NRN1L: variants seen among roughly 807,000 people sequenced by gnomAD.
NRN1L encodes neuritin-like protein.
Under a neutral mutation model 8.8 loss-of-function variants are expected in NRN1L, and 12 were observed. The ratio of observed to expected loss-of-function variants is 1.36; its 90% CI spans 0.87 to 2.20. The LOEUF (loss-of-function observed/expected upper bound fraction) is 2.20. NRN1L is among the 30% of genes most tolerant of loss of function. NRN1L has a pLI of 0.00. For missense variants in NRN1L, 266 were observed against 232.4 expected (o/e 1.14, Z -0.94); for synonymous variants, 114 against 99.2 (o/e 1.15, Z -0.88).
chr16:67,885,712 C>A lies in NRN1L; in HGVS notation c.80-10C>A. The A allele has an allele frequency of 6.6e-7, 1 of 1,510,464 alleles. No homozygotes were observed. The highest frequency in any genetic ancestry group is 9.0e-7 in the Non-Finnish European group (1 of 1,105,312). 93.6% of individuals were successfully genotyped at this position (1,510,464 alleles called of 1,614,324 possible). A position where few individuals can be genotyped will look rare whatever the true frequency, so the allele number is the denominator to read the frequency against. ...ATTCCTTCCCCACCCCACCCCCGCC[C>A]CACTTCTAGTCCTTTTACCTCCCCT... is the stretch of plus-strand genomic sequence containing the variant. On this transcript the variant is annotated splice_polypyrimidine_tract_variant and intron_variant, in intron 1 of 2. Transcript: ENST00000339176.
chr16:67,886,131 C>G lies in NRN1L; in HGVS notation c.370C>G (p.Arg124Gly). 2 of 1,612,194 alleles carry G rather than the reference C, an allele frequency of 1.2e-6. No homozygotes were observed. The highest frequency in any genetic ancestry group is 1.7e-6 in the Non-Finnish European group (2 of 1,179,668). ...CGGTGCCCCGGTGCATGTTCGGGAG[C>G]GCGGCACAGGCTCCGAAACCAACCA... ...LCGAPVHVRE[R>G]GTGSETNQET... The change falls in exon 3 of 3, where the codon CGC becomes GGC. Residue 124 changes from arginine (R) to glycine (G), a missense_variant. Arg to Gly is a moderately radical substitution (Grantham distance 125). Transcript: ENST00000339176.
At chr16:67,885,063 G>C (rs1567393318) in intron 1 of NRN1L, 81 bp downstream of exon 1, 3 of 1,192,954 alleles carry the variant, frequency 2.5e-6, no homozygotes, top group Non-Finnish European at 1.2e-6. Flanking sequence ...GTGTGGGAAC[G>C]CTGGGTGCCA....
In NRN1L at chr16:67,884,998, CG is replaced by C; in HGVS notation, c.79+20del. On this transcript the variant is annotated intron_variant, in intron 1 of 2. Transcript: ENST00000339176. The surrounding 1 kb of genome is among the most constrained non-coding windows in gnomAD (Gnocchi z 4.1). ...CTGCCCCTCGGTGAGTGCGGGCATC[CG>C]GGGCCCGGGCCACACCCCCTTCTCG... is the stretch of plus-strand genomic sequence containing the variant. 1 of 1,599,900 alleles carries C rather than the reference CG, an allele frequency of 6.3e-7. No homozygotes were observed.
chr16:67,885,986 CT>C lies in NRN1L; in HGVS notation c.227del (p.Phe76SerfsTer86). Reference sequence around the variant, plus strand: ...ACTCCCTTAACAGGTCTTGGAATGACTTCCATGCCTGTGCCTCTCAGGTCCT... The same window carrying C: ...ACTCCCTTAACAGGTCTTGGAATGACTCCATGCCTGTGCCTCTCAGGTCCT... ...LETICRSWND[F>X]HACASQVLSG... On this transcript the variant is annotated frameshift_variant, in exon 3 of 3. Coordinates refer to ENST00000339176, the MANE Select transcript of NRN1L (RefSeq NM_198443.2). LOFTEE classifies it low-confidence loss of function (END_TRUNC). 1.2e-6 allele frequency: 2 copies of C among 1,614,184 alleles called. No individual in the cohort carries two copies. Among genetic ancestry groups the C allele is most frequent in the African/African-American group, 1.3e-5 (1 of 75,068 alleles).
chr16:67,885,654 G>A, intron 1 of NRN1L, 68 bp from the exon 2 acceptor site: 1 of 1,288,924 alleles, frequency 7.8e-7, no homozygotes, highest in Non-Finnish European at 1.1e-6. Flanking sequence ...GCCCCTGGGG[G>A]CTGGGGGATG....
intron 1 of NRN1L, 182 bp downstream of exon 1, chr16:67,885,164 A>G (rs1339404402): frequency 3.3e-6 from 2 of 607,366 alleles, no homozygotes; most frequent in African/African-American, 1.9e-5. Context: ...GTTATGGGAG[A>G]AGGACTCCAA....
downstream of NRN1L, among the ~76,000 whole-genome samples, chr16:67,887,846 T>A (rs1009947677): frequency 1.3e-5 from 2 of 152,132 alleles, no homozygotes; most frequent in African/African-American, 4.8e-5. Flanking sequence ...CCTCCCAGTG[T>A]TGGGATTACA....
At chr16:67,885,199 A>G in intron 1 of NRN1L, 1 of 600,384 alleles carries the variant, frequency 1.7e-6, no homozygotes, top group Non-Finnish European at 3.0e-6. Flanking sequence ...CTTATGATAA[A>G]GGGAGACATG....
chr16:67,885,389 G>A (rs2058091482), intron 1 of NRN1L: 1 of 461,714 alleles, frequency 2.2e-6, no homozygotes, highest in Non-Finnish European at 3.9e-6. Context: ...CTCCTGGTCC[G>A]GGGCCTCTGG....
At chr16:67,888,080 C>T (rs990114172), downstream of NRN1L, among the ~76,000 whole-genome samples, 4 of 152,316 alleles carry the variant, frequency 2.6e-5, no homozygotes, top group South Asian at 8.3e-4. Context: ...GGTCAGAATT[C>T]CCCACTGTGG....
chr16:67,886,132 G>C lies in NRN1L; in HGVS notation c.371G>C (p.Arg124Pro), dbSNP rs374951501. 4.5e-5 allele frequency: 72 copies of C among 1,612,082 alleles called. No homozygotes were observed. In the East Asian group the frequency reaches 7.6e-4, roughly 17 times the overall value. Residue 124 changes from arginine to proline, a missense_variant, in exon 3 of 3, where the codon CGC (arginine) becomes CCC (proline). Arg to Pro is a moderately radical substitution (Grantham distance 103, BLOSUM62 -2). Transcript: ENST00000339176. ...LCGAPVHVRE[R>P]GTGSETNQET... is the part of the protein sequence containing the mutation. Reference sequence around the variant, plus strand: ...GGTGCCCCGGTGCATGTTCGGGAGCGCGGCACAGGCTCCGAAACCAACCAG... The same window carrying C: ...GGTGCCCCGGTGCATGTTCGGGAGCCCGGCACAGGCTCCGAAACCAACCAG...
chr16:67,885,445 T>C (rs763325074), intron 1 of NRN1L: 4 of 489,844 alleles, frequency 8.2e-6, no homozygotes, highest in Non-Finnish European at 1.4e-5. Flanking sequence ...CATGGACCCT[T>C]GTCACCCCAC....
chr16:67,886,888 C>T (rs60427284), downstream of NRN1L, among the ~76,000 whole-genome samples: 637 of 152,294 alleles, frequency 4.2e-3, 6 homozygotes, highest in African/African-American at 0.015. Flanking sequence ...AGGTGGGGAG[C>T]CTTTGTTGAA....
Position 67,885,822 on chromosome 16 carries a change from G to T in NRN1L, c.180G>T (p.Met60Ile). ...GTCTCATCCGCTTGGGGGACAGCATGGGCCGCGGAGGCGAGCTGGAGACCA... is the reference window on the plus strand; with the variant it reads ...GTCTCATCCGCTTGGGGGACAGCATTGGCCGCGGAGGCGAGCTGGAGACCA... ...AECLIRLGDSMGRGGELETIC... is the reference protein window; with the variant it reads ...AECLIRLGDSIGRGGELETIC... Residue 60 changes from methionine to isoleucine, a missense_variant, in exon 2 of 3, where the codon ATG becomes ATT. Physicochemically the swap from Met to Ile is conservative, Grantham distance 10. Coordinates refer to ENST00000339176, the MANE Select transcript of NRN1L (RefSeq NM_198443.2). The T allele has an allele frequency of 6.3e-7, 1 of 1,578,868 alleles. No homozygotes were observed. Among genetic ancestry groups the T allele is most frequent in the South Asian group, 1.2e-5 (1 of 84,830 alleles).
downstream of NRN1L, chr16:67,888,645 A>G (rs2058103165): frequency 6.6e-6 from 1 of 152,038 alleles, no homozygotes; most frequent in Non-Finnish European, 1.5e-5. Context: ...CATCATGGTG[A>G]TGGTGTTTCT....
At position 67,885,002 on chromosome 16, in the gene NRN1L, G is replaced by T. The variant is rs1029198887; in HGVS notation, c.79+20G>T. The T allele has an allele frequency of 6.3e-7, 1 of 1,598,778 alleles. No individual in the cohort carries two copies. Among genetic ancestry groups the T allele is most frequent in the East Asian group, 2.2e-5 (1 of 44,800 alleles). On this transcript the variant is annotated intron_variant, in intron 1 of 2. Transcript: ENST00000339176. ...CCCTCGGTGAGTGCGGGCATCCGGG[G>T]CCCGGGCCACACCCCCTTCTCGCCC...
In NRN1L at chr16:67,886,036, C is replaced by A; in HGVS notation, c.275C>A (p.Ala92Asp). Reference sequence around the variant, plus strand: ...CTGTCAGGCTGTCCGGAGGAGGCAGCTGCAGTGTGGGAATCACTACAGCAA... The same window carrying A: ...CTGTCAGGCTGTCCGGAGGAGGCAGATGCAGTGTGGGAATCACTACAGCAA... ...QVLSGCPEEA[A>D]AVWESLQQEA... The change falls in exon 3 of 3, where the codon GCT becomes GAT. Residue 92 changes from alanine (A) to aspartate (D), a missense_variant. Transcript: ENST00000339176. The A allele has an allele frequency of 6.2e-7, 1 of 1,614,124 alleles. No individual in the cohort carries two copies. Among genetic ancestry groups the A allele is most frequent in the Non-Finnish European group, 8.5e-7 (1 of 1,180,000 alleles).
Position 67,885,819 on chromosome 16 carries a change from C to T in NRN1L, c.177C>T (p.Ser59=), listed in dbSNP as rs1320598981. The change falls in exon 2 of 3, where the codon AGC becomes AGT. Residue 59 remains serine (S), a synonymous_variant. Transcript: ENST00000339176. The part of the protein sequence containing the change: ...FAECLIRLGD[S]MGRGGELETI... The stretch of plus-strand genomic sequence containing the variant: ...AGTGTCTCATCCGCTTGGGGGACAG[C>T]ATGGGCCGCGGAGGCGAGCTGGAGA... The T allele has an allele frequency of 1.3e-6, 2 of 1,582,214 alleles. No homozygotes were observed. The highest frequency in any genetic ancestry group is 4.5e-5 in the East Asian group (2 of 44,762).
At chr16:67,885,193 T>C (rs992123004) in intron 1 of NRN1L, 7 of 601,178 alleles carry the variant, frequency 1.2e-5, no homozygotes, top group Admixed American at 5.8e-5. Context: ...TCCCCTCTTA[T>C]GATAAAGGGA....
Sources: gnomAD v4.1 joint callset for allele counts (sites outside exome capture counted in the v4.1 genomes callset) on GRCh38, gnomAD v4.1.1 for gene constraint, Gnocchi (gnomAD v3.1) non-coding constraint, MANE v1.5 for transcripts, NCBI Gene and HGNC (gene_info 2026-07-23, HGNC 2026-07-21) for gene names.